Variants in PCDHA12 observed in about 807,000 individuals in gnomAD.
PCDHA12 encodes protocadherin alpha-12.
In PCDHA12, 44 loss-of-function variants were observed where a neutral mutation model predicts 60.0. That is an observed-to-expected ratio of 0.73 (90% CI 0.58 to 0.94). PCDHA12 has a LOEUF of 0.94. PCDHA12 is among the 40% of genes least tolerant of loss of function. The pLI is 0.00. For missense variants in PCDHA12, 1,276 were observed against 1,239.7 expected (o/e 1.03, Z -0.44); for synonymous variants, 569 against 553.0 (o/e 1.03, Z -0.40).
rs1554169505 is a variant in PCDHA12 at position 140,877,241 on chromosome 5, T to G, written c.1769T>G (p.Val590Gly). The part of the protein sequence containing the change: ...LVPRSVGAGH[V>G]VAKVRAVDAD... ...CCGCGGTCGGTGGGTGCGGGCCACGTGGTGGCGAAAGTGCGCGCGGTGGAC... is the reference window on the plus strand; with the variant it reads ...CCGCGGTCGGTGGGTGCGGGCCACGGGGTGGCGAAAGTGCGCGCGGTGGAC... Residue 590 changes from valine (V) to glycine (G), a missense_variant, in exon 1 of 4, where the codon GTG becomes GGG. Coordinates refer to ENST00000398631, the MANE Select transcript of PCDHA12 (RefSeq NM_018903.4). The G allele has an allele frequency of 1.2e-6, 2 of 1,613,670 alleles. No individual in the cohort carries two copies. Among genetic ancestry groups the G allele is most frequent in the Non-Finnish European group, 1.7e-6 (2 of 1,179,742 alleles).
At chr5:140,946,044 A>G (rs1435633416) in intron 1 of PCDHA12, among the ~76,000 whole-genome samples, 1 of 152,160 alleles carries the variant, frequency 6.6e-6, no homozygotes, top group East Asian at 1.9e-4. Flanking sequence ...TGAAGGGACA[A>G]TCCACAGAAT....
At chr5:140,981,630 A>G (rs1299640748) in intron 2 of PCDHA12, among the ~76,000 whole-genome samples, 1 of 152,110 alleles carries the variant, frequency 6.6e-6, no homozygotes, top group East Asian at 1.9e-4. Flanking sequence ...GTTTTCTTGG[A>G]CATTTTCTCT....
In PCDHA12 at chr5:140,877,445, C is replaced by T. The variant is rs782657623; in HGVS notation, c.1973C>T (p.Ala658Val). ...CTGGTGAAGGACCACGGTGAGCCCG[C>T]GCTGACGTCCACGGCCACGGTGCTG... Reference protein sequence around the residue: ...LVLVKDHGEPALTSTATVLVS... With the variant: ...LVLVKDHGEPVLTSTATVLVS... Residue 658 changes from alanine (A) to valine (V), a missense_variant, in exon 1 of 4, where the codon GCG becomes GTG. Physicochemically the swap from Ala to Val is moderately conservative, Grantham distance 64. Transcript: ENST00000398631. 36 of 1,613,714 alleles carry T rather than the reference C, an allele frequency of 2.2e-5. No individual in the cohort carries two copies. The highest frequency in any genetic ancestry group is 3.0e-5 in the Non-Finnish European group (35 of 1,179,874).
At chr5:140,884,044 G>A (rs374333847) in intron 1 of PCDHA12, 16 of 1,613,358 alleles carry the variant, frequency 9.9e-6, no homozygotes, top group Non-Finnish European at 1.4e-5. Context: ...ACGTGGTGGC[G>A]AAGGTGCGCG....
intron 1 of PCDHA12, chr5:140,929,425 A>G (rs2086148550): frequency 6.7e-7 from 1 of 1,496,844 alleles, no homozygotes. Context: ...CATTTCATCA[A>G]TTGAACTAAA....
At chr5:140,990,552 C>G (rs1379026755) in intron 3 of PCDHA12, among the ~76,000 whole-genome samples, 5 of 152,130 alleles carry the variant, frequency 3.3e-5, no homozygotes, top group African/African-American at 1.2e-4. Flanking sequence ...CTGTATTACC[C>G]AAGAACACAC....
chr5:140,983,378 G>A (rs782292944), intron 3 of PCDHA12, among the ~76,000 whole-genome samples: 1 of 152,162 alleles, frequency 6.6e-6, no homozygotes, highest in Non-Finnish European at 1.5e-5. Flanking sequence ...GAGGCCCATC[G>A]CTGTGGCAGT....
intron 1 of PCDHA12, chr5:140,967,556 G>A (rs1586226034): frequency 6.2e-7 from 1 of 1,614,030 alleles, no homozygotes; most frequent in East Asian, 2.2e-5. Context: ...CACTTATCGC[G>A]TCCAGCTACG....
In PCDHA12 at chr5:140,884,626, A is replaced by G. The variant is rs782131642; in HGVS notation, c.2367+6787A>G. 9 of 1,613,602 alleles carry G rather than the reference A, an allele frequency of 5.6e-6. No individual in the cohort carries two copies. In the Admixed American group the frequency reaches 1.5e-4, roughly 27 times the overall value. ...CTTGTCTGGGTTCTGCAGAGGGAAC[A>G]GGCCAGAGGGAGGAGGACTCAGAAT... On this transcript the variant is annotated intron_variant, in intron 1 of 3. Transcript: ENST00000398631.
chr5:140,962,050 A>AT (rs1207278188), intron 1 of PCDHA12, among the ~76,000 whole-genome samples: 3 of 151,684 alleles, frequency 2.0e-5, no homozygotes, highest in African/African-American at 7.3e-5. Context: ...TGCCTGGCTA[A>AT]TTTTTTTGTA....
chr5:140,934,000 A>G (rs2089557025), intron 1 of PCDHA12, among the ~76,000 whole-genome samples: 1 of 151,350 alleles, frequency 6.6e-6, no homozygotes, highest in Non-Finnish European at 1.5e-5. Context: ...GTCACCTCTC[A>G]TTTTTCTTGA....
intron 3 of PCDHA12, among the ~76,000 whole-genome samples, chr5:140,995,128 C>T (rs2097665772): frequency 6.6e-6 from 1 of 152,146 alleles, no homozygotes; most frequent in African/African-American, 2.4e-5. Context: ...ATGCCTGAAA[C>T]CTCATTTAGT....
chr5:140,932,700 AT>A (rs2088549755), intron 1 of PCDHA12, among the ~76,000 whole-genome samples: 1 of 151,992 alleles, frequency 6.6e-6, no homozygotes, highest in Non-Finnish European at 1.5e-5. Context: ...AAAAACTCAT[AT>A]AGACAACACA....
At chr5:140,979,537 A>G (rs538323100) in intron 2 of PCDHA12, among the ~76,000 whole-genome samples, 1 of 152,332 alleles carries the variant, frequency 6.6e-6, no homozygotes, top group East Asian at 1.9e-4. Context: ...ATTGTCATCA[A>G]TGACATGGTT....
At chr5:140,923,275 C>T (rs1296197801) in intron 1 of PCDHA12, among the ~76,000 whole-genome samples, 1 of 152,128 alleles carries the variant, frequency 6.6e-6, no homozygotes, top group African/African-American at 2.4e-5. Flanking sequence ...CTTGTCTCTA[C>T]AAAAAATTAA....
chr5:140,953,101 T>C (rs1297450101), intron 1 of PCDHA12, among the ~76,000 whole-genome samples: 1 of 152,130 alleles, frequency 6.6e-6, no homozygotes, highest in Non-Finnish European at 1.5e-5. Context: ...TGACATGAGA[T>C]TTGGGCAGGG....
chr5:140,916,687 T>G (rs265312), intron 1 of PCDHA12, among the ~76,000 whole-genome samples: 87,944 of 152,010 alleles, frequency 0.58, 26,395 homozygotes, highest in African/African-American at 0.75. Flanking sequence ...TTTACTCTTT[T>G]CTCTCCTCTC....
chr5:140,881,909 G>A (rs941994896), intron 1 of PCDHA12: 2 of 230,500 alleles, frequency 8.7e-6, no homozygotes, highest in Non-Finnish European at 1.7e-5. Context: ...AATATAAAAT[G>A]TTGAGCAGAA....
chr5:140,997,711 C>T (rs963457412), intron 3 of PCDHA12, among the ~76,000 whole-genome samples: 4 of 151,080 alleles, frequency 2.6e-5, no homozygotes. Flanking sequence ...TTAACAAACA[C>T]CTTTCTACGT....
Sources: gnomAD v4.1 joint callset for allele counts (sites outside exome capture counted in the v4.1 genomes callset) on GRCh38, gnomAD v4.1.1 for gene constraint, MANE v1.5 for transcripts, NCBI Gene and HGNC (gene_info 2026-07-23, HGNC 2026-07-21) for gene names.